HORMAD2: variants seen among roughly 807,000 people sequenced by gnomAD.
HORMAD2 encodes the protein HORMA domain-containing protein 2.
A neutral mutation model predicts 38.8 loss-of-function variants in HORMAD2; 45 were observed. The ratio of observed to expected loss-of-function variants is 1.16; its 90% CI spans 0.91 to 1.49. The LOEUF (loss-of-function observed/expected upper bound fraction) is 1.49. Ranked by LOEUF, HORMAD2 falls within the 40% of genes most tolerant of loss-of-function variation. The pLI, the probability that HORMAD2 is intolerant of heterozygous loss-of-function variation, is 0.00. For synonymous variants in HORMAD2, 126 were observed against 122.8 expected (o/e 1.03, Z -0.17); for missense variants, 338 against 367.0 (o/e 0.92, Z 0.65).
At chr22:30,089,736 A>G (rs2068648492) in intron 1 of HORMAD2, among the ~76,000 whole-genome samples, 1 of 152,218 alleles carries the variant, frequency 6.6e-6, no homozygotes, top group Non-Finnish European at 1.5e-5. Context: ...AAACTGTAAT[A>G]TGAAACTCAA....
the HORMAD2 span, among the ~76,000 whole-genome samples, chr22:30,201,896 C>T: frequency 6.6e-6 from 1 of 152,112 alleles, no homozygotes; most frequent in African/African-American, 2.4e-5. Flanking sequence ...CTTGCATCTG[C>T]GTGATATGAG....
chr22:30,115,046 A>G (rs1921939398), intron 7 of HORMAD2, among the ~76,000 whole-genome samples: 1 of 152,210 alleles, frequency 6.6e-6, no homozygotes. Context: ...ATTATATATG[A>G]ATATGGTGAA....
At chr22:30,148,415 T>C (rs1924550430) in intron 10 of HORMAD2, among the ~76,000 whole-genome samples, 1 of 152,144 alleles carries the variant, frequency 6.6e-6, no homozygotes, top group South Asian at 2.1e-4. Context: ...GAGGAACTTT[T>C]TTTAGGGTGA....
At chr22:30,163,489 A>G (rs1170072177) in intron 10 of HORMAD2, among the ~76,000 whole-genome samples, 3 of 152,140 alleles carry the variant, frequency 2.0e-5, no homozygotes, top group Non-Finnish European at 2.9e-5. Context: ...CAGTGGCACA[A>G]TCTTGGCTCA....
the HORMAD2 span, among the ~76,000 whole-genome samples, chr22:30,195,857 G>C: frequency 6.6e-6 from 1 of 152,342 alleles, no homozygotes; most frequent in East Asian, 1.9e-4. Flanking sequence ...CCACCAAAGA[G>C]AGGAAACATT....
At chr22:30,080,405 C>T (rs1224992927), upstream of HORMAD2, 2 of 152,290 alleles carry the variant, frequency 1.3e-5, no homozygotes, top group Non-Finnish European at 2.9e-5. Flanking sequence ...CCAGAAAGGC[C>T]TCGTTGACTA....
intron 10 of HORMAD2, among the ~76,000 whole-genome samples, chr22:30,151,107 G>A (rs372367400): frequency 3.3e-5 from 5 of 152,092 alleles, no homozygotes; most frequent in Non-Finnish European, 5.9e-5. Flanking sequence ...ACTGGTCCTC[G>A]GTTTGGTCCA....
upstream of HORMAD2, among the ~76,000 whole-genome samples, chr22:30,078,607 C>CCAAAAAAAA (rs1234942826): frequency 3.6e-5 from 1 of 28,102 alleles, no homozygotes; most frequent in African/African-American, 1.5e-4. Flanking sequence ...CTCTGTCTCA[C>CCAAAAAAAA]AAAAAAAAAA....
intron 4 of HORMAD2, among the ~76,000 whole-genome samples, chr22:30,103,952 C>G (rs1311273122): frequency 6.6e-6 from 1 of 150,486 alleles, no homozygotes; most frequent in African/African-American, 2.4e-5. Flanking sequence ...GAGCCACTGC[C>G]CTGACCTACT....
Position 30,127,410 on chromosome 22 carries a change from T to C in HORMAD2, c.819+5196T>C, listed in dbSNP as rs913932965. Among the ~76,000 whole-genome samples the C allele has an allele frequency of 7.2e-5, 11 of 152,230 alleles. 1 individual carries two copies. In the South Asian group the frequency reaches 1.9e-3, roughly 26 times the overall value. On this transcript the variant is annotated intron_variant, in intron 10 of 10. Transcript: ENST00000336726. ...TTTTAGTAGAGATGGGGTTTCATAATGTTGGTCAGGCTGGTCTCGAACTCC... is the reference window on the plus strand; with the variant it reads ...TTTTAGTAGAGATGGGGTTTCATAACGTTGGTCAGGCTGGTCTCGAACTCC...
chr22:30,090,811 A>G (rs950563054), intron 1 of HORMAD2, among the ~76,000 whole-genome samples: 2 of 152,240 alleles, frequency 1.3e-5, no homozygotes, highest in African/African-American at 4.8e-5. Context: ...ACAATATGTA[A>G]TGGTCAAGTC....
At chr22:30,127,055 T>C (rs1922916932) in intron 10 of HORMAD2, among the ~76,000 whole-genome samples, 1 of 152,186 alleles carries the variant, frequency 6.6e-6, no homozygotes, top group South Asian at 2.1e-4. Context: ...TTTTTTCTCT[T>C]GGATTGTCTT....
At chr22:30,145,960 C>G (rs1924386926) in intron 10 of HORMAD2, among the ~76,000 whole-genome samples, 1 of 152,198 alleles carries the variant, frequency 6.6e-6, no homozygotes, top group Admixed American at 6.5e-5. Context: ...TCTCTCATGA[C>G]TATGGCTGCA....
At chr22:30,200,731 G>A in the HORMAD2 span, among the ~76,000 whole-genome samples, 4 of 141,544 alleles carry the variant, frequency 2.8e-5, no homozygotes, top group Non-Finnish European at 4.6e-5. Flanking sequence ...CAACAGAAAT[G>A]TATTATTATT....
the HORMAD2 span, among the ~76,000 whole-genome samples, chr22:30,205,772 G>T: frequency 1.3e-5 from 2 of 152,136 alleles, no homozygotes; most frequent in Non-Finnish European, 2.9e-5. Context: ...CGTGAGGACC[G>T]GAAAAGCCGC....
At chr22:30,090,293 C>CG (rs2068659188) in intron 1 of HORMAD2, among the ~76,000 whole-genome samples, 2 of 151,956 alleles carry the variant, frequency 1.3e-5, no homozygotes, top group South Asian at 4.1e-4. Flanking sequence ...AGCCTGGGAG[C>CG]GGGAGGTTGC....
chr22:30,090,064 T>G (rs112677433), intron 1 of HORMAD2, among the ~76,000 whole-genome samples: 1,563 of 152,288 alleles, frequency 0.01, 28 homozygotes, highest in African/African-American at 0.035. Context: ...CTTCATTCCT[T>G]TTTAAGATTG....
chr22:30,160,185 G>A (rs1432514377), intron 10 of HORMAD2, among the ~76,000 whole-genome samples: 1 of 151,660 alleles, frequency 6.6e-6, no homozygotes, highest in Admixed American at 6.6e-5. Flanking sequence ...ACTGTGCCCT[G>A]CCCTTATCAC....
chr22:30,154,556 T>C (rs1924950736), intron 10 of HORMAD2, among the ~76,000 whole-genome samples: 2 of 152,212 alleles, frequency 1.3e-5, no homozygotes, highest in Non-Finnish European at 1.5e-5. Context: ...GTCCCAGTAA[T>C]ATCCATTATG....
Sources: allele counts gnomAD v4.1 joint callset (sites outside exome capture counted in the v4.1 genomes callset), GRCh38; gene constraint gnomAD v4.1.1; transcripts MANE v1.5; gene names NCBI Gene and HGNC (gene_info 2026-07-23, HGNC 2026-07-21).